Variants in TTC9 observed in about 807,000 individuals in gnomAD.
TTC9 encodes the protein tetratricopeptide repeat domain 9, also known as tetratricopeptide repeat protein 9A.
TTC9 carries 13 observed loss-of-function variants against 22.9 expected under a neutral mutation model. The observed-to-expected ratio is 0.57, with a 90% CI of 0.37 to 0.90. The LOEUF is 0.90. TTC9 is among the 40% of genes least tolerant of loss of function. TTC9 has a pLI of 0.01. For missense variants in TTC9, 280 were observed against 291.8 expected, an observed-to-expected ratio of 0.96 and a Z score of 0.29; for synonymous variants, 148 against 133.2, an observed-to-expected ratio of 1.11 and a Z score of -0.77.
chr14:70,645,869 C>T (rs1401191054), intron 1 of TTC9, among the ~76,000 whole-genome samples: 1 of 152,170 alleles, frequency 6.6e-6, no homozygotes, highest in East Asian at 1.9e-4. Flanking sequence ...GGACTACTAG[C>T]CCAGAAGTAC....
At chr14:70,651,654 G>T (rs1885986321) in intron 1 of TTC9, among the ~76,000 whole-genome samples, 1 of 152,172 alleles carries the variant, frequency 6.6e-6, no homozygotes, top group African/African-American at 2.4e-5. Context: ...ATGCCCCCTA[G>T]ACTCTGTTGC....
At chr14:70,652,183 A>G (rs1214860092) in intron 1 of TTC9, among the ~76,000 whole-genome samples, 1 of 152,176 alleles carries the variant, frequency 6.6e-6, no homozygotes, top group Non-Finnish European at 1.5e-5. Context: ...CCCTGCCTTG[A>G]TCTTTCTGGG....
chr14:70,662,907 A>G (rs1025034976), intron 1 of TTC9, among the ~76,000 whole-genome samples: 10 of 152,256 alleles, frequency 6.6e-5, no homozygotes, highest in Non-Finnish European at 1.5e-4. Context: ...ATGACAATAA[A>G]GATCTCCCAG....
Position 70,642,520 on chromosome 14 carries a change from T to C in TTC9, c.391T>C (p.Tyr131His). Residue 131 changes from tyrosine (Y) to histidine (H), a missense_variant, in exon 1 of 3, where the codon TAC (tyrosine) becomes CAC (histidine). Tyr to His is a moderately conservative substitution (Grantham distance 83, BLOSUM62 2). This residue lies in a region of TTC9 where 165 missense variants were observed against 145.4 expected (regional missense o/e 1.14). Coordinates refer to ENST00000256367, the MANE Select transcript of TTC9 (RefSeq NM_015351.2). Reference sequence around the variant, plus strand: ...GGTGGAAGCCATCGAGATCGACTGTTACAACAGCCTGGCAGGTGAGCCGCG... The same window carrying C: ...GGTGGAAGCCATCGAGATCGACTGTCACAACAGCCTGGCAGGTGAGCCGCG... ...KTVEAIEIDC[Y>H]NSLAACLLQA... is the part of the protein sequence containing the mutation. The C allele has an allele frequency of 6.5e-7, 1 of 1,540,630 alleles. No individual in the cohort carries two copies. Among genetic ancestry groups the C allele is most frequent in the East Asian group, 2.5e-5 (1 of 39,802 alleles).
intron 1 of TTC9, among the ~76,000 whole-genome samples, chr14:70,658,120 T>C (rs61980470): frequency 0.17 from 25,931 of 152,130 alleles, 2,915 homozygotes; most frequent in Admixed American, 0.27. Context: ...GGAACCAATA[T>C]GGGATTTGGG....
chr14:70,642,559 G>C (rs3742852), intron 1 of TTC9, 24 bp downstream of exon 1: 353,991 of 1,521,436 alleles, frequency 0.23, 42,843 homozygotes, highest in Admixed American at 0.36. Flanking sequence ...CGCCCCCCGC[G>C]CCGCGGTCCC....
chr14:70,643,839 T>C (rs1885864917), intron 1 of TTC9, among the ~76,000 whole-genome samples: 1 of 152,204 alleles, frequency 6.6e-6, no homozygotes, highest in Non-Finnish European at 1.5e-5. Context: ...TTGTAAATTG[T>C]AAAGTACTTT....
intron 2 of TTC9, among the ~76,000 whole-genome samples, chr14:70,668,795 G>C (rs534557162): frequency 6.7e-6 from 1 of 148,896 alleles, no homozygotes; most frequent in East Asian, 2.0e-4. Flanking sequence ...AGGCTACAGT[G>C]AGCCAAGATG....
Position 70,642,142 on chromosome 14 carries a change from G to A in TTC9, c.13G>A (p.Gly5Ser). 8.6e-7 allele frequency: 1 copy of A among 1,156,384 alleles called. No individual in the cohort carries two copies. The highest frequency in any genetic ancestry group is 1.1e-6 in the Non-Finnish European group (1 of 935,188). 71.6% of individuals were successfully genotyped at this position (1,156,384 alleles called of 1,614,324 possible). The stretch of plus-strand genomic sequence containing the variant: ...GGGCGGCGGCCGAATGGAGAGAAAG[G>A]GCTCGGCGGCCGGGGCCAAGGGGAA... MERK[G>S]SAAGAKGNPS... is the part of the protein sequence containing the mutation. The change falls in exon 1 of 3, where the codon GGC (glycine) becomes AGC (serine). Residue 5 changes from glycine (G) to serine (S), a missense_variant. Physicochemically the swap from Gly to Ser is moderately conservative, Grantham distance 56. Coordinates refer to ENST00000256367, the MANE Select transcript of TTC9 (RefSeq NM_015351.2).
In TTC9 at chr14:70,659,663, C is replaced by T. The variant is rs563720075; in HGVS notation, c.407-7901C>T. ...TAGGAAGTTTCCGGATGAGTATTTA[C>T]GTATAAAGTGAGAACAGTTTAGCAC... is the stretch of plus-strand genomic sequence containing the variant. On this transcript the variant is annotated intron_variant, in intron 1 of 2. Coordinates refer to ENST00000256367, the MANE Select transcript of TTC9 (RefSeq NM_015351.2). 4.5e-4 allele frequency among the ~76,000 whole-genome samples: 69 copies of T among 152,232 alleles called. 1 individual carries two copies. Among genetic ancestry groups the T allele is most frequent in the African/African-American group, 1.5e-3 (64 of 41,526 alleles).
At chr14:70,642,557 G>A (rs1039653519) in intron 1 of TTC9, 22 bp downstream of exon 1, 14 of 1,525,110 alleles carry the variant, frequency 9.2e-6, no homozygotes, top group Non-Finnish European at 1.2e-5. Context: ...CGCGCCCCCC[G>A]CGCCGCGGTC....
At position 70,672,828 on chromosome 14, in the gene TTC9, G is replaced by C. The variant is rs1886316079; in HGVS notation, c.*1673G>C. 1 of 152,242 alleles carries C rather than the reference G, an allele frequency of 6.6e-6. No homozygotes were observed. The highest frequency in any genetic ancestry group is 2.4e-5 in the African/African-American group (1 of 41,472). The allele number at this position is 152,242 out of a possible 1,614,324, so 9.4% of individuals were successfully genotyped here. ...TTATCCCAAGGTTGCATGGCCTTTA[G>C]TGGCATAGCTAGGATTTGAACCAGG... is the stretch of plus-strand genomic sequence containing the variant. On this transcript the variant is annotated 3_prime_UTR_variant, in exon 3 of 3. Coordinates refer to ENST00000256367, the MANE Select transcript of TTC9 (RefSeq NM_015351.2).
intron 1 of TTC9, among the ~76,000 whole-genome samples, chr14:70,643,225 CTA>C (rs753181451): frequency 2.6e-5 from 4 of 152,186 alleles, no homozygotes; most frequent in Non-Finnish European, 5.9e-5. Context: ...CCGTTTCTCA[CTA>C]TGTGTAGCAT....
In TTC9 at chr14:70,642,264, G is replaced by A. The variant is rs1885825244; in HGVS notation, c.135G>A (p.Gly45=). 6.7e-7 allele frequency: 1 copy of A among 1,496,042 alleles called. No individual in the cohort carries two copies. The highest frequency in any genetic ancestry group is 1.3e-5 in the South Asian group (1 of 78,996). The allele number at this position is 1,496,042 out of a possible 1,614,324, so 92.7% of individuals were successfully genotyped here. ...GGGAPARGQV[G]AAAEPAELIR... ...GAGCCCCAGCGAGGGGCCAGGTCGG[G>A]GCGGCGGCCGAGCCGGCCGAGCTCA... is the stretch of plus-strand genomic sequence containing the variant. Residue 45 remains glycine, a synonymous_variant, in exon 1 of 3, where the codon GGG becomes GGA. Coordinates refer to ENST00000256367, the MANE Select transcript of TTC9 (RefSeq NM_015351.2).
At chr14:70,658,077 G>A (rs1488904126) in intron 1 of TTC9, among the ~76,000 whole-genome samples, 1 of 152,164 alleles carries the variant, frequency 6.6e-6, no homozygotes, top group Non-Finnish European at 1.5e-5. Flanking sequence ...AGCCAGTCCG[G>A]GTTTCCACCA....
intron 1 of TTC9, among the ~76,000 whole-genome samples, chr14:70,654,587 CAAAAAAAAAAAAAAA>C (rs61046584): frequency 0.01 from 584 of 57,180 alleles, 13 homozygotes; most frequent in Admixed American, 0.012. Context: ...GGCTCTGTCT[CAAAAAAAAAAAAAAA>C]AAAAAAAAAA....
rs58913870 is a variant in TTC9 at position 70,642,879 on chromosome 14, C to G, written c.406+344C>G. ...GCCCGGGGTGGGCCCCCGCAGCCAC[C>G]GCTAGCCCAGCTTTTTCCTGCGGGT... On this transcript the variant is annotated intron_variant, in intron 1 of 2. Transcript: ENST00000256367. 7.1e-3 allele frequency among the ~76,000 whole-genome samples: 1,086 copies of G among 152,286 alleles called. 15 individuals carry two copies. The highest frequency in any genetic ancestry group is 0.025 in the African/African-American group (1,047 of 41,558).
intron 1 of TTC9, among the ~76,000 whole-genome samples, chr14:70,653,439 CTGG>C (rs577966501): frequency 9.7e-4 from 148 of 152,326 alleles, no homozygotes; most frequent in Non-Finnish European, 1.5e-3. Context: ...ACCACCATGC[CTGG>C]TGTATTCCTG....
intron 2 of TTC9, among the ~76,000 whole-genome samples, chr14:70,668,589 G>A (rs1399366534): frequency 6.6e-6 from 1 of 152,212 alleles, no homozygotes; most frequent in African/African-American, 2.4e-5. Context: ...GGTGGCTCAT[G>A]CCTGTAATTC....
Sources: gnomAD v4.1 joint callset for allele counts (sites outside exome capture counted in the v4.1 genomes callset) on GRCh38, gnomAD v4.1.1 for gene constraint, gnomAD v4.1.1 regional missense constraint, MANE v1.5 for transcripts, NCBI Gene and HGNC (gene_info 2026-07-23, HGNC 2026-07-21) for gene names.